PPM1L: variants seen among roughly 807,000 people sequenced by gnomAD.
PPM1L encodes the protein protein phosphatase 1L.
In PPM1L, 13 loss-of-function variants were observed where a neutral mutation model predicts 31.4. That is an observed-to-expected ratio of 0.41 (90% confidence interval 0.27 to 0.66). The LOEUF (loss-of-function observed/expected upper bound fraction) is 0.66, where lower values mean the gene tolerates loss of function less well. Among genes scored for constraint, PPM1L ranks in the 30% least tolerant of loss-of-function variants. The pLI, the probability that PPM1L is intolerant of heterozygous loss-of-function variation, is 0.29. For synonymous variants in PPM1L, 184 were observed against 175.4 expected (o/e 1.05, Z -0.39); for missense variants, 326 against 453.7 (o/e 0.72, Z 2.56).
At chr3:160,835,945 A>G (rs978693829) in intron 1 of PPM1L, among the ~76,000 whole-genome samples, 1 of 150,380 alleles carries the variant, frequency 6.6e-6, no homozygotes, top group South Asian at 2.1e-4. Context: ...TACCCCCTGG[A>G]TAGTCTGCTT....
At chr3:160,934,172 A>G (rs1401136675) in intron 1 of PPM1L, among the ~76,000 whole-genome samples, 1 of 152,254 alleles carries the variant, frequency 6.6e-6, no homozygotes, top group Non-Finnish European at 1.5e-5. Context: ...GCCTCATGGC[A>G]TCCCCCTCCT....
chr3:161,004,931 T>C (rs1037319387), intron 2 of PPM1L, among the ~76,000 whole-genome samples: 1 of 152,210 alleles, frequency 6.6e-6, no homozygotes, highest in Non-Finnish European at 1.5e-5. Flanking sequence ...AATTGTGATG[T>C]TAGGGTGTCA....
Position 161,013,317 on chromosome 3 carries a change from C to T in PPM1L, c.574+51407C>T, listed in dbSNP as rs540363772. On this transcript the variant is annotated intron_variant, in intron 2 of 3. Transcript: ENST00000498165. The stretch of plus-strand genomic sequence containing the variant: ...ATTCAGGAGCAGGTTGTTCAGTTCC[C>T]ATGTAGTTGAATGGTTTTGAGTGAG... Among the ~76,000 whole-genome samples, 6 of 152,262 alleles carry T rather than the reference C, an allele frequency of 3.9e-5. No individual in the cohort carries two copies. In the South Asian group the frequency reaches 1.0e-3, roughly 26 times the overall value.
At chr3:160,914,017 A>G (rs1185896213) in intron 1 of PPM1L, among the ~76,000 whole-genome samples, 1 of 152,248 alleles carries the variant, frequency 6.6e-6, no homozygotes, top group Non-Finnish European at 1.5e-5. Context: ...CTGTTTTCCA[A>G]AATGGTTGTA....
intron 1 of PPM1L, among the ~76,000 whole-genome samples, chr3:160,805,950 T>C (rs1228998243): frequency 1.3e-5 from 2 of 152,134 alleles, no homozygotes; most frequent in African/African-American, 4.8e-5. Context: ...ATTGAGCCCA[T>C]ATTCTTGCCA....
chr3:160,985,863 T>G (rs1439726214), intron 2 of PPM1L, among the ~76,000 whole-genome samples: 1 of 152,152 alleles, frequency 6.6e-6, no homozygotes, highest in Non-Finnish European at 1.5e-5. Context: ...TTAAAATTTA[T>G]GGACAGTTAC....
intron 2 of PPM1L, among the ~76,000 whole-genome samples, chr3:161,007,914 G>T (rs971332167): frequency 2.6e-5 from 4 of 152,134 alleles, no homozygotes; most frequent in African/African-American, 7.2e-5. Flanking sequence ...CAGGAGAGAG[G>T]TGGTGGTGGC....
intron 1 of PPM1L, among the ~76,000 whole-genome samples, chr3:160,897,042 CTTT>C (rs11298068): frequency 4.7e-5 from 5 of 107,422 alleles, no homozygotes; most frequent in Non-Finnish European, 3.9e-5. Context: ...ACTACTGACT[CTTT>C]TTTTTTTTTT....
intron 2 of PPM1L, among the ~76,000 whole-genome samples, chr3:160,981,731 A>ATTTT (rs1455316032): frequency 9.7e-6 from 1 of 103,430 alleles, no homozygotes; most frequent in Admixed American, 9.0e-5. Context: ...TTTCCTTCTC[A>ATTTT]TTTTATTTAT....
intron 2 of PPM1L, among the ~76,000 whole-genome samples, chr3:160,962,974 C>CTT (rs11430313): frequency 1.5e-4 from 23 of 148,430 alleles, no homozygotes; most frequent in East Asian, 2.0e-4. Context: ...TTCTTCTTTG[C>CTT]TTTTTTTTTT....
intron 1 of PPM1L, among the ~76,000 whole-genome samples, chr3:160,960,558 TTGTGTGTGTGTGTGTGTGTGTGTGTGTG>T (rs59297068): frequency 6.9e-6 from 1 of 145,456 alleles, no homozygotes; most frequent in African/African-American, 2.6e-5. Context: ...TTTAGCAGTT[TTGTGTGTGTGTGTGTGTGTGTGTGTGTG>T]TGTGTGTGTG....
intron 2 of PPM1L, among the ~76,000 whole-genome samples, chr3:160,986,578 T>C (rs1251717696): frequency 6.6e-6 from 1 of 152,340 alleles, no homozygotes; most frequent in African/African-American, 2.4e-5. Flanking sequence ...TGATATATGC[T>C]ATAGTCTGAC....
At chr3:161,039,783 T>C (rs936268606) in intron 2 of PPM1L, among the ~76,000 whole-genome samples, 1 of 152,198 alleles carries the variant, frequency 6.6e-6, no homozygotes, top group African/African-American at 2.4e-5. Context: ...CCCAAAGTGC[T>C]GGGATTACAG....
intron 2 of PPM1L, among the ~76,000 whole-genome samples, chr3:161,019,120 A>G (rs980296901): frequency 6.6e-6 from 1 of 152,192 alleles, no homozygotes; most frequent in Non-Finnish European, 1.5e-5. Flanking sequence ...TATTTTAGAT[A>G]ATACTATAGA....
intron 1 of PPM1L, among the ~76,000 whole-genome samples, chr3:160,898,112 G>A (rs181114900): frequency 6.6e-6 from 1 of 152,250 alleles, no homozygotes; most frequent in Non-Finnish European, 1.5e-5. Context: ...CCAGTAAAGA[G>A]TAATGCACCA....
chr3:160,855,510 CTTAAA>C (rs1711661730), intron 1 of PPM1L, among the ~76,000 whole-genome samples: 2 of 152,106 alleles, frequency 1.3e-5, no homozygotes, highest in African/African-American at 2.4e-5. Flanking sequence ...CTGTAAGGAA[CTTAAA>C]TTAACAAGCA....
chr3:160,814,622 C>G (rs949191746), intron 1 of PPM1L, among the ~76,000 whole-genome samples: 2 of 143,052 alleles, frequency 1.4e-5, no homozygotes, highest in Admixed American at 1.4e-4. Context: ...TATACACACA[C>G]ATATGTATGT....
intron 1 of PPM1L, among the ~76,000 whole-genome samples, chr3:160,887,573 C>CTTTTTTTTTTTTTTTTTTTTTTTTT (rs58869949): frequency 7.0e-6 from 1 of 142,624 alleles, no homozygotes; most frequent in African/African-American, 2.6e-5. Context: ...TAATATTCAA[C>CTTTTTTTTTTTTTTTTTTTTTTTTT]TTTTTTTTTT....
At chr3:160,826,358 G>T (rs753403555) in intron 1 of PPM1L, among the ~76,000 whole-genome samples, 1 of 152,220 alleles carries the variant, frequency 6.6e-6, no homozygotes, top group Non-Finnish European at 1.5e-5. Flanking sequence ...TTAGACCCTG[G>T]CTTAAAGATG....
Sources: allele counts gnomAD v4.1 joint callset (sites outside exome capture counted in the v4.1 genomes callset), GRCh38; gene constraint gnomAD v4.1.1; transcripts MANE v1.5; gene names NCBI Gene and HGNC (gene_info 2026-07-23, HGNC 2026-07-21).